Variants in SKAP1 observed in about 807,000 individuals in gnomAD.
The protein encoded by SKAP1 is src kinase associated phosphoprotein 1.
In SKAP1, 44 loss-of-function variants were observed where a neutral mutation model predicts 58.5. The observed-to-expected ratio is 0.75, with a 90% confidence interval of 0.59 to 0.97. The LOEUF is 0.97. SKAP1 is among the 50% of genes least tolerant of loss of function. SKAP1 has a pLI of 0.00. For synonymous variants in SKAP1, 127 were observed against 149.7 expected (o/e 0.85, Z 1.11); for missense variants, 390 against 435.2 (o/e 0.90, Z 0.92).
At chr17:48,239,834 GAGAGAGAGAGAGAGAC>G (rs1313857664) in intron 4 of SKAP1, among the ~76,000 whole-genome samples, 1 of 91,496 alleles carries the variant, frequency 1.1e-5, no homozygotes, top group Non-Finnish European at 2.6e-5. Flanking sequence ...TAGAATGAGA[GAGAGAGAGAGAGAGAC>G]AGAGAGAGAG....
chr17:48,309,086 A>T (rs983325834), intron 4 of SKAP1, among the ~76,000 whole-genome samples: 2 of 152,052 alleles, frequency 1.3e-5, no homozygotes, highest in Non-Finnish European at 2.9e-5. Flanking sequence ...TAGCATTTTC[A>T]TCCCAATTCA....
chr17:48,395,976 T>C (rs1267638947), intron 2 of SKAP1, among the ~76,000 whole-genome samples: 1 of 152,220 alleles, frequency 6.6e-6, no homozygotes, highest in Admixed American at 6.5e-5. Flanking sequence ...AGTTTAAACA[T>C]TCTGAATCAC....
intron 1 of SKAP1, among the ~76,000 whole-genome samples, chr17:48,405,404 T>C (rs1200299026): frequency 1.7e-5 from 1 of 60,410 alleles, no homozygotes; most frequent in Admixed American, 2.0e-4. Context: ...TTTCTTTCTT[T>C]CTTTCTTTCT....
chr17:48,270,493 G>A (rs951901436), intron 4 of SKAP1, among the ~76,000 whole-genome samples: 15 of 151,768 alleles, frequency 9.9e-5, no homozygotes, highest in South Asian at 2.1e-4. Flanking sequence ...ACAGGTGCGC[G>A]CCACATGCCT....
intron 2 of SKAP1, among the ~76,000 whole-genome samples, chr17:48,371,715 T>C (rs184202342): frequency 7.4e-6 from 1 of 135,998 alleles, no homozygotes; most frequent in East Asian, 2.1e-4. Flanking sequence ...TGCATGCCTG[T>C]AGTCCCAGCT....
At chr17:48,429,188 C>T (rs948098896) in intron 1 of SKAP1, among the ~76,000 whole-genome samples, 5 of 152,198 alleles carry the variant, frequency 3.3e-5, no homozygotes, top group Admixed American at 1.3e-4. Flanking sequence ...GAATAGTTTC[C>T]TCCTGGGAGC....
intron 4 of SKAP1, among the ~76,000 whole-genome samples, chr17:48,218,672 T>C (rs1243310756): frequency 6.6e-6 from 1 of 152,186 alleles, no homozygotes; most frequent in Non-Finnish European, 1.5e-5. Flanking sequence ...AGAGATCTCA[T>C]ACTGGAAAGG....
intron 11 of SKAP1, among the ~76,000 whole-genome samples, chr17:48,140,865 C>T (rs1401169866): frequency 2.6e-5 from 4 of 151,396 alleles, no homozygotes; most frequent in African/African-American, 7.3e-5. Flanking sequence ...CGGCTGACCA[C>T]GACCTATACC....
intron 4 of SKAP1, among the ~76,000 whole-genome samples, chr17:48,212,127 T>C (rs1429679914): frequency 6.6e-6 from 1 of 151,678 alleles, no homozygotes; most frequent in Non-Finnish European, 1.5e-5. Flanking sequence ...CTTATGAACC[T>C]AGAATATCCC....
intron 3 of SKAP1, among the ~76,000 whole-genome samples, chr17:48,359,461 T>C (rs1366710797): frequency 6.6e-6 from 1 of 152,240 alleles, no homozygotes; most frequent in African/African-American, 2.4e-5. Context: ...CATTTTTTAA[T>C]AGTTTGCTTG....
At chr17:48,367,324 G>C (rs980152118) in intron 2 of SKAP1, among the ~76,000 whole-genome samples, 2 of 151,794 alleles carry the variant, frequency 1.3e-5, no homozygotes, top group Non-Finnish European at 2.9e-5. Context: ...TCAATTATAA[G>C]ATGAATAAAT....
chr17:48,152,166 T>G (rs2063909747), intron 11 of SKAP1, among the ~76,000 whole-genome samples: 1 of 152,198 alleles, frequency 6.6e-6, no homozygotes, highest in African/African-American at 2.4e-5. Context: ...ATACCATACA[T>G]CTGGGAATGT....
chr17:48,294,044 T>C (rs554041624), intron 4 of SKAP1, among the ~76,000 whole-genome samples: 1 of 152,326 alleles, frequency 6.6e-6, no homozygotes, highest in East Asian at 1.9e-4. Context: ...CCAGGCTGCC[T>C]GGATTGTGGG....
At chr17:48,298,845 A>G (rs1322056939) in intron 4 of SKAP1, among the ~76,000 whole-genome samples, 5 of 152,230 alleles carry the variant, frequency 3.3e-5, no homozygotes, top group African/African-American at 4.8e-5. Flanking sequence ...GATGCAGCAT[A>G]TGTTAGAAGA....
At chr17:48,310,826 T>C (rs940082271) in intron 4 of SKAP1, among the ~76,000 whole-genome samples, 1 of 149,840 alleles carries the variant, frequency 6.7e-6, no homozygotes, top group South Asian at 2.1e-4. Flanking sequence ...AACAAGAGAG[T>C]TGATTGCCAG....
At chr17:48,385,243 G>A (rs574657621) in intron 2 of SKAP1, among the ~76,000 whole-genome samples, 1 of 152,090 alleles carries the variant, frequency 6.6e-6, no homozygotes, top group East Asian at 1.9e-4. Flanking sequence ...ACTGAATAGT[G>A]ACTGGGAAGT....
intron 2 of SKAP1, among the ~76,000 whole-genome samples, chr17:48,372,177 G>T (rs960675165): frequency 6.6e-6 from 1 of 152,030 alleles, no homozygotes; most frequent in African/African-American, 2.4e-5. Flanking sequence ...TTCCCATGTT[G>T]GCAAGGTTGG....
At chr17:48,300,486 G>A (rs551837081) in intron 4 of SKAP1, among the ~76,000 whole-genome samples, 1 of 152,290 alleles carries the variant, frequency 6.6e-6, no homozygotes, top group South Asian at 2.1e-4. Context: ...CTTCAGGACT[G>A]GGTCCTGGTG....
At chr17:48,363,721 A>C (rs2066965255) in intron 3 of SKAP1, 68 bp downstream of exon 3, 1 of 1,330,344 alleles carries the variant, frequency 7.5e-7, no homozygotes, top group South Asian at 1.3e-5. Flanking sequence ...TGTAGAGAAG[A>C]GACAGGAATA....
Sources: gnomAD v4.1 joint callset for allele counts (sites outside exome capture counted in the v4.1 genomes callset) on GRCh38, gnomAD v4.1.1 for gene constraint, MANE v1.5 for transcripts, NCBI Gene and HGNC (gene_info 2026-07-23, HGNC 2026-07-21) for gene names.